The following COL25A1 variants were observed in gnomAD, a reference collection of about 807,000 sequenced individuals.
COL25A1 encodes the protein collagen alpha-1(XXV) chain.
COL25A1 carries 103 observed loss-of-function variants against 128.4 expected under a neutral mutation model. The observed-to-expected ratio is 0.80, with a 90% CI of 0.68 to 0.94. The LOEUF is 0.94. Ranked by LOEUF, COL25A1 falls within the 40% of genes least tolerant of loss-of-function variation. The pLI, the probability that COL25A1 is intolerant of heterozygous loss-of-function variation, is 0.00. For missense variants in COL25A1, 745 were observed against 840.0 expected, an observed-to-expected ratio of 0.89 and a Z score of 1.40; for synonymous variants, 279 against 277.2, an observed-to-expected ratio of 1.01 and a Z score of -0.06.
intron 3 of COL25A1, among the ~76,000 whole-genome samples, chr4:109,227,737 C>G (rs1340299384): frequency 1.3e-5 from 2 of 152,144 alleles, no homozygotes; most frequent in East Asian, 3.9e-4. Context: ...ATTCAGCTTC[C>G]TGACAGCAAA....
At chr4:108,870,138 C>T (rs899848141) in intron 19 of COL25A1, among the ~76,000 whole-genome samples, 3 of 152,020 alleles carry the variant, frequency 2.0e-5, no homozygotes, top group African/African-American at 4.8e-5. Flanking sequence ...AGCCTGTCGT[C>T]CCAGCTACTT....
At chr4:109,083,349 T>C (rs1228581010) in intron 3 of COL25A1, among the ~76,000 whole-genome samples, 1 of 151,826 alleles carries the variant, frequency 6.6e-6, no homozygotes, top group Non-Finnish European at 1.5e-5. Context: ...AGCATAACAA[T>C]TTTATTACTC....
At chr4:108,994,699 T>A (rs920289873) in intron 6 of COL25A1, among the ~76,000 whole-genome samples, 1 of 152,088 alleles carries the variant, frequency 6.6e-6, no homozygotes, top group Non-Finnish European at 1.5e-5. Context: ...GACTGGGAAA[T>A]ATCTCCCAGT....
intron 3 of COL25A1, among the ~76,000 whole-genome samples, chr4:109,060,633 G>A (rs565092969): frequency 3.5e-4 from 53 of 150,434 alleles, no homozygotes; most frequent in Middle Eastern, 3.5e-3. Context: ...GAAGTCCTTC[G>A]CAGATGGTAC....
chr4:109,144,462 G>A (rs376662808), intron 3 of COL25A1, among the ~76,000 whole-genome samples: 6 of 152,220 alleles, frequency 3.9e-5, no homozygotes, highest in Non-Finnish European at 8.8e-5. Context: ...AGTCAGCAGG[G>A]AAGAACGCTT....
Position 109,054,748 on chromosome 4 carries a change from AAACCG to A in COL25A1, c.368-4574_368-4570del, listed in dbSNP as rs1479758450. ...ACGTCACAGCAAAGTAAAGGGCAGA[AAACCG>A]AACTTGTGGTCTGGGAGGGACAGAG... On this transcript the variant is annotated intron_variant, in intron 3 of 37. Coordinates refer to ENST00000399132, the MANE Select transcript of COL25A1 (RefSeq NM_198721.4). Among the ~76,000 whole-genome samples, 3 of 152,230 alleles carry A rather than the reference AAACCG, an allele frequency of 2.0e-5. No individual in the cohort carries two copies. In the East Asian group the frequency reaches 5.8e-4, roughly 29 times the overall value.
intron 3 of COL25A1, among the ~76,000 whole-genome samples, chr4:109,099,701 A>C (rs1765719448): frequency 6.6e-6 from 1 of 151,930 alleles, no homozygotes; most frequent in Non-Finnish European, 1.5e-5. Flanking sequence ...ACCATAAATT[A>C]GTCTGAAAGG....
intron 26 of COL25A1, 83 bp downstream of exon 26, chr4:108,852,153 A>T (rs1735858857): frequency 1.9e-6 from 2 of 1,080,874 alleles, no homozygotes; most frequent in Non-Finnish European, 2.8e-6. Context: ...ATTTTGTAAG[A>T]CTGATTTTCA....
At chr4:109,084,802 G>T (rs1377758294) in intron 3 of COL25A1, among the ~76,000 whole-genome samples, 2 of 152,098 alleles carry the variant, frequency 1.3e-5, no homozygotes, top group South Asian at 2.1e-4. Context: ...TAGTTTTCAG[G>T]TTGTGGCATT....
intron 3 of COL25A1, among the ~76,000 whole-genome samples, chr4:109,066,434 T>C (rs1200426119): frequency 6.6e-6 from 1 of 152,240 alleles, no homozygotes. Flanking sequence ...ATTTGATTAA[T>C]ACTTTGAATA....
intron 6 of COL25A1, among the ~76,000 whole-genome samples, chr4:108,984,389 T>A (rs981214873): frequency 2.6e-5 from 4 of 152,206 alleles, no homozygotes; most frequent in Non-Finnish European, 5.9e-5. Flanking sequence ...ACAGTGCGCC[T>A]GCACTCCTCA....
At chr4:108,941,828 G>A (rs1748141479) in intron 8 of COL25A1, among the ~76,000 whole-genome samples, 2 of 152,176 alleles carry the variant, frequency 1.3e-5, no homozygotes, top group African/African-American at 2.4e-5. Flanking sequence ...CCAGCATAAT[G>A]TGGCGTGAAC....
At chr4:109,015,831 T>C (rs1757157958) in intron 5 of COL25A1, among the ~76,000 whole-genome samples, 1 of 152,256 alleles carries the variant, frequency 6.6e-6, no homozygotes, top group East Asian at 1.9e-4. Context: ...GGAGTATACA[T>C]TACTTTAGGC....
intron 3 of COL25A1, among the ~76,000 whole-genome samples, chr4:109,187,738 A>G (rs2126155860): frequency 6.6e-6 from 1 of 152,298 alleles, no homozygotes; most frequent in Non-Finnish European, 1.5e-5. Context: ...GAAATGTGGT[A>G]ATTTTGCTAA....
At chr4:109,055,372 T>C (rs972034704) in intron 3 of COL25A1, among the ~76,000 whole-genome samples, 7 of 152,152 alleles carry the variant, frequency 4.6e-5, no homozygotes, top group African/African-American at 1.4e-4. Context: ...AAAACCTCCA[T>C]GACTAAAACA....
At chr4:108,994,805 C>T (rs550320112) in intron 6 of COL25A1, among the ~76,000 whole-genome samples, 6 of 152,296 alleles carry the variant, frequency 3.9e-5, no homozygotes, top group South Asian at 2.1e-4. Flanking sequence ...CTGCAGCCTC[C>T]GCTAGTGATA....
intron 3 of COL25A1, among the ~76,000 whole-genome samples, chr4:109,121,747 CAT>C (rs796769347): frequency 9.2e-5 from 14 of 152,180 alleles, no homozygotes; most frequent in African/African-American, 3.1e-4. Flanking sequence ...ACTCTTACCA[CAT>C]GATTCAGCAA....
At chr4:108,825,863 A>AT (rs907725810) in intron 33 of COL25A1, among the ~76,000 whole-genome samples, 2 of 152,168 alleles carry the variant, frequency 1.3e-5, no homozygotes, top group African/African-American at 2.4e-5. Context: ...TAATCCCCAA[A>AT]TTTTTTTTAA....
intron 13 of COL25A1, among the ~76,000 whole-genome samples, chr4:108,911,146 G>A (rs1014910639): frequency 3.3e-5 from 5 of 152,092 alleles, no homozygotes; most frequent in Admixed American, 2.6e-4. Flanking sequence ...TATCTTACTG[G>A]TCAGAAATTT....
Sources: gnomAD v4.1 joint callset for allele counts (sites outside exome capture counted in the v4.1 genomes callset) on GRCh38, gnomAD v4.1.1 for gene constraint, MANE v1.5 for transcripts, NCBI Gene and HGNC (gene_info 2026-07-23, HGNC 2026-07-21) for gene names.